SLC52A3: variants seen among roughly 807,000 people sequenced by gnomAD.
SLC52A3 encodes solute carrier family 52, riboflavin transporter, member 3.
SLC52A3 carries 20 observed loss-of-function variants against 29.5 expected under a neutral mutation model. The observed-to-expected ratio is 0.68, with a 90% CI of 0.48 to 0.99. The LOEUF (loss-of-function observed/expected upper bound fraction) is 0.99. SLC52A3 is among the 50% of genes least tolerant of loss of function. The pLI is 0.00. For missense variants in SLC52A3, 548 were observed against 612.9 expected, an observed-to-expected ratio of 0.89 and a Z score of 1.12; for synonymous variants, 301 against 271.0, an observed-to-expected ratio of 1.11 and a Z score of -1.09.
chr20:778,016 T>TC (rs1435952313), upstream of SLC52A3, among the ~76,000 whole-genome samples: 11 of 145,046 alleles, frequency 7.6e-5, no homozygotes, highest in Admixed American at 1.3e-4. Flanking sequence ...AGACTTTCTT[T>TC]TTTTTTTTTT....
chr20:763,406 A>G lies in SLC52A3; in HGVS notation c.1073+92T>C, dbSNP rs8122335. On this transcript the variant is annotated intron_variant, in intron 3 of 4. Coordinates refer to ENST00000645534, the MANE Select transcript of SLC52A3 (RefSeq NM_033409.4). ...CTCCCCAAACATGTTCTTAACCACT[A>G]CATGTACAGCCCAGTAGGTGCGTTT... 357,971 of 1,540,552 alleles carry G rather than the reference A, an allele frequency of 0.23. 44,300 individuals carry two copies. Among genetic ancestry groups the G allele is most frequent in the Middle Eastern group, 0.29 (1,728 of 5,928 alleles).
upstream of SLC52A3, among the ~76,000 whole-genome samples, chr20:769,599 A>G (rs577728126): frequency 1.7e-4 from 26 of 152,332 alleles, no homozygotes; most frequent in African/African-American, 6.0e-4. Context: ...GTTGCATTCA[A>G]AAACATGTAG....
chr20:773,510 C>G lies in SLC52A3; in HGVS notation c.-238+2445G>C, dbSNP rs372346527. Among the ~76,000 whole-genome samples the G allele has an allele frequency of 3.9e-5, 6 of 152,200 alleles. 1 individual carries two copies. The highest frequency in any genetic ancestry group is 1.3e-4 in the Admixed American group (2 of 15,274). ...TCAGGGTGAAGGGGTTCTGAAGGGGCCATGGGGGTCAAGCTGAGCAGGATC... is the reference window on the plus strand; with the variant it reads ...TCAGGGTGAAGGGGTTCTGAAGGGGGCATGGGGGTCAAGCTGAGCAGGATC... On this transcript the variant is annotated intron_variant, in intron 1 of 5. Coordinates refer to the SLC52A3 transcript ENST00000217254.
chr20:761,825 C>G lies in SLC52A3; in HGVS notation c.1074-1G>C. The G allele has an allele frequency of 6.2e-7, 1 of 1,614,156 alleles. No individual in the cohort carries two copies. Among genetic ancestry groups the G allele is most frequent in the Non-Finnish European group, 8.5e-7 (1 of 1,180,014 alleles). ...GAGGACCCCCAGGAACAGCAGAGACCTAGAGGAAAGTAGGGGAGGTGAGTG... is the reference window on the plus strand; with the variant it reads ...GAGGACCCCCAGGAACAGCAGAGACGTAGAGGAAAGTAGGGGAGGTGAGTG... On this transcript the variant is annotated splice_acceptor_variant, in intron 3 of 4. Transcript: ENST00000645534. LOFTEE classifies it high-confidence loss of function.
upstream of SLC52A3, among the ~76,000 whole-genome samples, chr20:769,583 G>A (rs1055475127): frequency 5.9e-5 from 9 of 152,112 alleles, no homozygotes; most frequent in East Asian, 9.6e-4. Context: ...TTCAGCAAAC[G>A]TATCAGTTGC....
intron 3 of SLC52A3, 35 bp downstream of exon 3, chr20:763,463 C>A (rs1764894312): frequency 6.2e-7 from 1 of 1,613,000 alleles, no homozygotes; most frequent in African/African-American, 1.3e-5. Flanking sequence ...AAGTGTTCCC[C>A]CACTAGGATT....
intron 3 of SLC52A3, among the ~76,000 whole-genome samples, chr20:762,510 A>G (rs1357903839): frequency 6.6e-6 from 1 of 152,168 alleles, no homozygotes; most frequent in Non-Finnish European, 1.5e-5. Flanking sequence ...CCCAATCTCT[A>G]GAACCCCAAG....
chr20:763,518 G>C lies in SLC52A3; in HGVS notation c.1053C>G (p.Val351=). 3.1e-6 allele frequency: 5 copies of C among 1,614,068 alleles called. No homozygotes were observed. Among genetic ancestry groups the C allele is most frequent in the Non-Finnish European group, 4.2e-6 (5 of 1,179,980 alleles). The part of the protein sequence containing the change: ...SIVANPLASL[V]SMFLPNRSLL... ...CACACCTGTTAGGCAGGAACATGGA[G>C]ACCAACGAGGCAAGAGGGTTGGCCA... The change falls in exon 3 of 5, where the codon GTC becomes GTG. Residue 351 remains valine (V), a synonymous_variant. Transcript: ENST00000645534.
upstream of SLC52A3, among the ~76,000 whole-genome samples, chr20:769,052 T>C (rs1158418544): frequency 6.6e-6 from 1 of 152,236 alleles, no homozygotes; most frequent in Non-Finnish European, 1.5e-5. Flanking sequence ...ACCTTGAGAC[T>C]GAAGCTTTTT....
chr20:765,245 G>A lies in SLC52A3; in HGVS notation c.530C>T (p.Pro177Leu). 2 of 1,614,208 alleles carry A rather than the reference G, an allele frequency of 1.2e-6. No homozygotes were observed. The change falls in exon 2 of 5, where the codon CCA becomes CTA. Residue 177 changes from proline (P) to leucine (L), a missense_variant. By Grantham distance (98) the Pro-to-Leu change is moderately conservative (BLOSUM62 -3). Transcript: ENST00000645534. The surrounding 1 kb of genome is among the most constrained non-coding windows in gnomAD (Gnocchi z 6.6). Reference sequence around the variant, plus strand: ...AGTCTCCCTCGTGGGTACAGGGCTTGGTACGCTGTCTGATATCTCAGTGAC... The same window carrying A: ...AGTCTCCCTCGTGGGTACAGGGCTTAGTACGCTGTCTGATATCTCAGTGAC... ...VNVTEISDSV[P>L]SPVPTRETDI...
intron 4 of SLC52A3, 174 bp from the exon 5 acceptor site, chr20:761,412 G>A: frequency 1.2e-6 from 1 of 814,048 alleles, no homozygotes. Flanking sequence ...CCGCCCGGGG[G>A]CGAAGGAGAA....
Position 765,583 on chromosome 20 carries a change from G to A in SLC52A3, c.192C>T (p.Phe64=). The A allele has an allele frequency of 1.3e-6, 2 of 1,587,356 alleles. No individual in the cohort carries two copies. The highest frequency in any genetic ancestry group is 1.7e-6 in the Non-Finnish European group (2 of 1,167,336). ...GCACTTCGGAAAGGCAGCTGGGCCG[G>A]AAGTGATGGAGCAGGGTGACCAGGA... The part of the protein sequence containing the change: ...GPLLVTLLHH[F]RPSCLSEVPI... The change falls in exon 2 of 5, where the codon TTC becomes TTT. Residue 64 remains phenylalanine (F), a synonymous_variant. Coordinates refer to ENST00000645534, the MANE Select transcript of SLC52A3 (RefSeq NM_033409.4). The surrounding 1 kb of genome is among the most constrained non-coding windows in gnomAD (Gnocchi z 6.6).
Position 765,799 on chromosome 20 carries a change from G to A in SLC52A3, c.-25C>T. 1 of 1,606,848 alleles carries A rather than the reference G, an allele frequency of 6.2e-7. No homozygotes were observed. The highest frequency in any genetic ancestry group is 2.2e-5 in the East Asian group (1 of 44,656). The stretch of plus-strand genomic sequence containing the variant: ...TGGCGGTATCTGCCCTGGGCCAGAG[G>A]CTTTCTCAGATCAGCCTGCAGCGGG... On this transcript the variant is annotated 5_prime_UTR_variant, in exon 2 of 5. Transcript: ENST00000645534. The surrounding 1 kb of genome is among the most constrained non-coding windows in gnomAD (Gnocchi z 6.6).
upstream of SLC52A3, among the ~76,000 whole-genome samples, chr20:772,970 A>G (rs1986893201): frequency 2.0e-5 from 3 of 152,344 alleles, no homozygotes; most frequent in African/African-American, 7.2e-5. Context: ...TTCAAAGGAC[A>G]GCTAGGAGGC....
Position 761,232 on chromosome 20 carries a change from A to AG in SLC52A3, c.1203dup (p.Ser402LeufsTer105), listed in dbSNP as rs1018903291. The AG allele has an allele frequency of 1.3e-6, 2 of 1,549,468 alleles. No homozygotes were observed. The highest frequency in any genetic ancestry group is 3.9e-5 in the Admixed American group (2 of 51,448). On this transcript the variant is annotated frameshift_variant, in exon 5 of 5. Coordinates refer to ENST00000645534, the MANE Select transcript of SLC52A3 (RefSeq NM_033409.4). LOFTEE classifies it high-confidence loss of function. ...AGGCAGCCGCTGAAAAGCACCCACG[A>AG]GGCCACCTGCGGGGCCGGGAGGGAA...
chr20:775,105 T>A (rs1248735219), intron 1 of SLC52A3, among the ~76,000 whole-genome samples: 1 of 152,154 alleles, frequency 6.6e-6, no homozygotes, highest in East Asian at 1.9e-4. Context: ...AGGCCTCCCA[T>A]GGGGCTGACC....
rs547810606 is a variant in SLC52A3, at chr20:761,014, T to C, written c.*12A>G. The C allele has an allele frequency of 7.2e-5, 114 of 1,589,140 alleles. 2 individuals are homozygous for C. In the Admixed American group the frequency reaches 2.0e-3, roughly 28 times the overall value. On this transcript the variant is annotated 3_prime_UTR_variant, in exon 5 of 5. Coordinates refer to ENST00000645534, the MANE Select transcript of SLC52A3 (RefSeq NM_033409.4). ...CCGTCCGTGAGCGATGGGGGCGGGG[T>C]CGGCGGCCTGCCTAGGCTGGACAGT... is the stretch of plus-strand genomic sequence containing the variant.
chr20:774,484 A>C (rs910468715), intron 1 of SLC52A3, among the ~76,000 whole-genome samples: 1 of 152,196 alleles, frequency 6.6e-6, no homozygotes, highest in Non-Finnish European at 1.5e-5. Context: ...ACCCACAGGG[A>C]GAGATGGGGG....
chr20:772,690 G>T (rs1373055715), upstream of SLC52A3, among the ~76,000 whole-genome samples: 4 of 151,768 alleles, frequency 2.6e-5, no homozygotes, highest in Non-Finnish European at 5.9e-5. Context: ...CCAACTGTGT[G>T]CTCAACCACA....
Sources: gnomAD v4.1 joint callset for allele counts (sites outside exome capture counted in the v4.1 genomes callset) on GRCh38, gnomAD v4.1.1 for gene constraint, Gnocchi (gnomAD v3.1) non-coding constraint, MANE v1.5 for transcripts, NCBI Gene and HGNC (gene_info 2026-07-23, HGNC 2026-07-21) for gene names.